Variants in GPM6A observed in about 807,000 individuals in gnomAD.
The protein encoded by GPM6A is neuronal membrane glycoprotein M6-a.
A neutral mutation model predicts 32.1 loss-of-function variants in GPM6A; 7 were observed. The ratio of observed to expected loss-of-function variants is 0.22; its 90% CI spans 0.12 to 0.41. The LOEUF is 0.41. GPM6A is among the 10% of genes least tolerant of loss of function. The probability of loss-of-function intolerance (pLI) is 1.00; values close to 1 mark genes in which losing one functional copy is unlikely to be tolerated. For synonymous variants in GPM6A, 130 were observed against 123.4 expected, an observed-to-expected ratio of 1.05 and a Z score of -0.35; for missense variants, 235 against 347.2, an observed-to-expected ratio of 0.68 and a Z score of 2.57.
intron 1 of GPM6A, among the ~76,000 whole-genome samples, chr4:175,989,396 T>C (rs1193573027): frequency 2.6e-5 from 4 of 152,050 alleles, no homozygotes; most frequent in Non-Finnish European, 4.4e-5. Flanking sequence ...AGGGAAGACA[T>C]GGAAGAGAGC....
At position 175,963,766 on chromosome 4, in the gene GPM6A, C is replaced by A. The variant is rs1016408180; in HGVS notation, c.-23+38543G>T. Reference sequence around the variant, plus strand: ...TACTTTTAATTGACATAGCAGATAGCAGCTGGTTCAAAATAATAACAACAA... The same window carrying A: ...TACTTTTAATTGACATAGCAGATAGAAGCTGGTTCAAAATAATAACAACAA... On this transcript the variant is annotated intron_variant, in intron 1 of 7. Transcript: ENST00000280187. Among the ~76,000 whole-genome samples, 15 of 151,982 alleles carry A rather than the reference C, an allele frequency of 9.9e-5. No homozygotes were observed. In the East Asian group the frequency reaches 2.9e-3, roughly 29 times the overall value.
At chr4:175,883,255 G>C (rs1163543225) in intron 1 of GPM6A, among the ~76,000 whole-genome samples, 1 of 152,052 alleles carries the variant, frequency 6.6e-6, no homozygotes, top group Non-Finnish European at 1.5e-5. Context: ...GTAAGCTACT[G>C]CTCTAGACTA....
intron 1 of GPM6A, among the ~76,000 whole-genome samples, chr4:175,779,492 C>T (rs576061594): frequency 5.3e-4 from 81 of 152,000 alleles, no homozygotes; most frequent in Non-Finnish European, 1.1e-3. Context: ...GTTCAGTAAG[C>T]GGGTTTCGTA....
At position 175,778,627 on chromosome 4, in the gene GPM6A, C is replaced by CA. The variant is rs34286041; in HGVS notation, c.37+33563dup. On this transcript the variant is annotated intron_variant, in intron 1 of 6. Coordinates refer to ENST00000393658, the MANE Select transcript of GPM6A (RefSeq NM_201591.3). ...CAACAGAGCAAGACTCTGTATCCAA[C>CA]AAAAAAAAAAAAAAAAAAAAAAAGA... Among the ~76,000 whole-genome samples the CA allele has an allele frequency of 9.7e-3, 729 of 75,206 alleles. 11 individuals are homozygous for CA. The highest frequency in any genetic ancestry group is 0.021 in the Middle Eastern group (1 of 48). The allele number at this position is 75,206 out of a possible 152,430, so 49.3% of individuals were successfully genotyped here.
intron 1 of GPM6A, among the ~76,000 whole-genome samples, chr4:175,726,821 C>A (rs1020069052): frequency 2.6e-5 from 4 of 152,100 alleles, no homozygotes; most frequent in African/African-American, 9.7e-5. Context: ...CATGGTGAAA[C>A]CCCGTCTCTA....
chr4:175,802,396 G>A (rs1002299650), intron 1 of GPM6A, among the ~76,000 whole-genome samples: 8 of 152,018 alleles, frequency 5.3e-5, no homozygotes, highest in Non-Finnish European at 8.8e-5. Flanking sequence ...ATACTCTTCC[G>A]ATACCATTGA....
intron 1 of GPM6A, chr4:175,970,905 C>CT (rs11366469): frequency 2.2e-5 from 10 of 455,752 alleles, no homozygotes; most frequent in African/African-American, 6.0e-5. Flanking sequence ...CCGACAGACC[C>CT]TTTTTTTTCC....
At chr4:175,880,984 C>A (rs941238266) in intron 1 of GPM6A, among the ~76,000 whole-genome samples, 1 of 152,062 alleles carries the variant, frequency 6.6e-6, no homozygotes, top group African/African-American at 2.4e-5. Context: ...AAAGCCAAAA[C>A]TGACAAATGG....
intron 1 of GPM6A, among the ~76,000 whole-genome samples, chr4:175,827,480 G>A (rs1273960963): frequency 2.0e-5 from 3 of 152,136 alleles, no homozygotes; most frequent in Non-Finnish European, 4.4e-5. Flanking sequence ...GCTAGTAAAC[G>A]GCAGAGCTGG....
At chr4:175,866,254 C>A (rs909747086) in intron 1 of GPM6A, among the ~76,000 whole-genome samples, 2 of 152,142 alleles carry the variant, frequency 1.3e-5, no homozygotes, top group African/African-American at 4.8e-5. Context: ...ATGCTCATTA[C>A]AACTGATGAG....
intron 1 of GPM6A, among the ~76,000 whole-genome samples, chr4:175,854,736 AAC>A (rs1257596317): frequency 6.6e-6 from 1 of 152,202 alleles, no homozygotes; most frequent in Non-Finnish European, 1.5e-5. Context: ...CAGTTAAAAG[AAC>A]AGAGTAGCCG....
At chr4:175,772,558 G>T (rs548696770) in intron 1 of GPM6A, among the ~76,000 whole-genome samples, 1 of 152,136 alleles carries the variant, frequency 6.6e-6, no homozygotes, top group African/African-American at 2.4e-5. Context: ...CTTCCTTCCT[G>T]TCATTCTGCT....
At chr4:175,989,408 C>T (rs1306503823) in intron 1 of GPM6A, among the ~76,000 whole-genome samples, 1 of 151,666 alleles carries the variant, frequency 6.6e-6, no homozygotes, top group African/African-American at 2.4e-5. Flanking sequence ...GAAGAGAGCC[C>T]CAGAATTATG....
intron 6 of GPM6A, among the ~76,000 whole-genome samples, chr4:175,637,275 T>G (rs71644865): frequency 3.2e-4 from 17 of 53,260 alleles, no homozygotes; most frequent in African/African-American, 1.0e-3. Flanking sequence ...TATTATATAT[T>G]ATATATTATA....
At chr4:175,865,550 C>T (rs79508658) in intron 1 of GPM6A, among the ~76,000 whole-genome samples, 4,455 of 152,180 alleles carry the variant, frequency 0.029, 208 homozygotes, top group African/African-American at 0.1. Flanking sequence ...TTGAGTTTTC[C>T]AATCCATGAA....
chr4:175,977,984 G>A (rs1740710363), intron 1 of GPM6A, among the ~76,000 whole-genome samples: 1 of 152,078 alleles, frequency 6.6e-6, no homozygotes, highest in Non-Finnish European at 1.5e-5. Flanking sequence ...AGGTTCAAAG[G>A]TTTCTCCAAA....
At chr4:175,685,545 C>T (rs1187270092) in intron 2 of GPM6A, among the ~76,000 whole-genome samples, 2 of 152,098 alleles carry the variant, frequency 1.3e-5, no homozygotes, top group East Asian at 1.9e-4. Flanking sequence ...TACTATGTTG[C>T]TGAATTCTAT....
intron 1 of GPM6A, among the ~76,000 whole-genome samples, chr4:175,754,355 T>C (rs1373628624): frequency 2.0e-5 from 3 of 152,096 alleles, no homozygotes; most frequent in Non-Finnish European, 4.4e-5. Context: ...GGTGGATGTT[T>C]AACACATGAA....
intron 1 of GPM6A, among the ~76,000 whole-genome samples, chr4:175,782,321 A>T (rs532327746): frequency 1.3e-5 from 2 of 152,048 alleles, no homozygotes; most frequent in South Asian, 4.2e-4. Context: ...ATGGAATATC[A>T]CGTCATCTAC....
Sources: allele counts gnomAD v4.1 joint callset (sites outside exome capture counted in the v4.1 genomes callset), GRCh38; gene constraint gnomAD v4.1.1; transcripts MANE v1.5; gene names NCBI Gene and HGNC (gene_info 2026-07-23, HGNC 2026-07-21).